The following FOXO3 variants were observed in gnomAD, a reference collection of about 807,000 sequenced individuals.
FOXO3 encodes the protein forkhead box O3, also known as forkhead box protein O3.
A neutral mutation model predicts 41.9 loss-of-function variants in FOXO3; 4 were observed. That is an observed-to-expected ratio of 0.10 (90% CI 0.05 to 0.22). The LOEUF (loss-of-function observed/expected upper bound fraction) is 0.22, where lower values mean the gene tolerates loss of function less well. FOXO3 is among the 10% of genes least tolerant of loss of function. FOXO3 has a pLI of 1.00. For synonymous variants in FOXO3, 318 were observed against 389.3 expected, an observed-to-expected ratio of 0.82 and a Z score of 2.16; for missense variants, 534 against 906.8, an observed-to-expected ratio of 0.59 and a Z score of 5.28.
At chr6:108,586,108 C>G (rs1776573619) in intron 1 of FOXO3, among the ~76,000 whole-genome samples, 1 of 152,182 alleles carries the variant, frequency 6.6e-6, no homozygotes, top group Admixed American at 6.5e-5. Flanking sequence ...TAATTCCAAA[C>G]TTGTTTATGT....
At chr6:108,590,920 C>T (rs1048067738) in intron 1 of FOXO3, among the ~76,000 whole-genome samples, 1 of 152,178 alleles carries the variant, frequency 6.6e-6, no homozygotes, top group Non-Finnish European at 1.5e-5. Context: ...AGCTGCCTCC[C>T]CTGACAGCAG....
intron 1 of FOXO3, among the ~76,000 whole-genome samples, chr6:108,590,862 A>G (rs1776715373): frequency 6.6e-6 from 1 of 152,184 alleles, no homozygotes; most frequent in African/African-American, 2.4e-5. Flanking sequence ...TTTGAGCCTC[A>G]TATGACAGCT....
chr6:108,599,609 C>T (rs1038287034), intron 1 of FOXO3, among the ~76,000 whole-genome samples: 4 of 152,186 alleles, frequency 2.6e-5, no homozygotes, highest in South Asian at 2.1e-4. Flanking sequence ...CTCAGTGTGC[C>T]AACTTCTGAC....
At chr6:108,585,644 A>G (rs550095482) in intron 1 of FOXO3, among the ~76,000 whole-genome samples, 2 of 152,304 alleles carry the variant, frequency 1.3e-5, no homozygotes, top group East Asian at 1.9e-4. Context: ...GGAGTCTGCA[A>G]GGTGTGCCCC....
intron 1 of FOXO3, among the ~76,000 whole-genome samples, chr6:108,591,967 A>G (rs1776743617): frequency 6.6e-6 from 1 of 152,216 alleles, no homozygotes; most frequent in Non-Finnish European, 1.5e-5. Flanking sequence ...AACACGCCAC[A>G]GATACATAGC....
intron 2 of FOXO3, among the ~76,000 whole-genome samples, chr6:108,676,572 GCAT>G (rs1376223687): frequency 6.6e-6 from 1 of 152,128 alleles, no homozygotes; most frequent in African/African-American, 2.4e-5. Flanking sequence ...AACTAGAAGA[GCAT>G]CGACACATAC....
intron 1 of FOXO3, among the ~76,000 whole-genome samples, chr6:108,563,337 A>G (rs1775867694): frequency 6.6e-6 from 1 of 152,374 alleles, no homozygotes. Flanking sequence ...AAATGCTTAC[A>G]TTATGAGTCT....
At chr6:108,627,752 A>T (rs1228985447) in intron 1 of FOXO3, among the ~76,000 whole-genome samples, 1 of 152,144 alleles carries the variant, frequency 6.6e-6, no homozygotes, top group Non-Finnish European at 1.5e-5. Context: ...AAGAAACTTT[A>T]CAAATTTGTC....
rs188456969 is a variant in FOXO3, at chr6:108,580,443, C to T, written c.621+18614C>T. Reference sequence around the variant, plus strand: ...ACTCATGATCCACCCACCTTGGCCTCCCAAAGTGTTGGGATTACAGGCGTG... The same window carrying T: ...ACTCATGATCCACCCACCTTGGCCTTCCAAAGTGTTGGGATTACAGGCGTG... On this transcript the variant is annotated intron_variant, in intron 1 of 2. Coordinates refer to ENST00000406360, the MANE Select transcript of FOXO3 (RefSeq NM_001455.4). Among the ~76,000 whole-genome samples, 878 of 152,292 alleles carry T rather than the reference C, an allele frequency of 5.8e-3. 9 individuals are homozygous for T. The highest frequency in any genetic ancestry group is 0.05 in the South Asian group (241 of 4,826).
intron 1 of FOXO3, among the ~76,000 whole-genome samples, chr6:108,620,176 C>G (rs1347060825): frequency 6.6e-6 from 1 of 152,044 alleles, no homozygotes; most frequent in Admixed American, 6.6e-5. Context: ...ATTTTTGGGT[C>G]AGAAAAACAG....
At chr6:108,589,404 A>G (rs1309414402) in intron 1 of FOXO3, among the ~76,000 whole-genome samples, 3 of 152,202 alleles carry the variant, frequency 2.0e-5, no homozygotes, top group African/African-American at 7.2e-5. Context: ...TTCCTCTCCA[A>G]GTGCTGGGGA....
rs758685230 is a variant in FOXO3 at position 108,561,352 on chromosome 6, G to A, written c.144G>A (p.Ser48=). The A allele has an allele frequency of 1.0e-5, 16 of 1,568,224 alleles. No homozygotes were observed. In the East Asian group the frequency reaches 3.1e-4, roughly 30 times the overall value. ...TCCAAGCGAGCCCTGCCAAGCCCTC[G>A]GGGGAGACGGCCGCCGACTCCATGA... ...PELQASPAKP[S]GETAADSMIP... The change falls in exon 1 of 3, where the codon TCG becomes TCA. Residue 48 remains serine, a synonymous_variant. Coordinates refer to ENST00000406360, the MANE Select transcript of FOXO3 (RefSeq NM_001455.4).
intron 1 of FOXO3, among the ~76,000 whole-genome samples, chr6:108,597,340 G>A (rs150693402): frequency 0.012 from 1,775 of 152,334 alleles, 41 homozygotes; most frequent in Non-Finnish European, 0.011. Flanking sequence ...ACCAGGCTGA[G>A]AATGGGTAAT....
intron 2 of FOXO3, among the ~76,000 whole-genome samples, chr6:108,678,869 C>CTTTTTTTGT (rs1770726727): frequency 1.8e-5 from 1 of 55,018 alleles, no homozygotes; most frequent in Non-Finnish European, 4.3e-5. Context: ...TTCTTAAATT[C>CTTTTTTTGT]TTTTTTTTTT....
chr6:108,574,882 A>G (rs1315557215), intron 1 of FOXO3, among the ~76,000 whole-genome samples: 1 of 152,164 alleles, frequency 6.6e-6, no homozygotes, highest in Non-Finnish European at 1.5e-5. Context: ...AAAGATAGGT[A>G]AGTAGTGTCT....
At chr6:108,589,484 C>T (rs1490221925) in intron 1 of FOXO3, among the ~76,000 whole-genome samples, 1 of 152,246 alleles carries the variant, frequency 6.6e-6, no homozygotes, top group Non-Finnish European at 1.5e-5. Flanking sequence ...CCCTGCCATT[C>T]CTGACTGTCT....
At chr6:108,599,354 A>G (rs906974855) in intron 1 of FOXO3, among the ~76,000 whole-genome samples, 1 of 152,244 alleles carries the variant, frequency 6.6e-6, no homozygotes, top group African/African-American at 2.4e-5. Context: ...TATGTCTAGA[A>G]TGTTGTATAT....
At chr6:108,617,795 T>G (rs1777556909) in intron 1 of FOXO3, among the ~76,000 whole-genome samples, 1 of 150,066 alleles carries the variant, frequency 6.7e-6, no homozygotes, top group Non-Finnish European at 1.5e-5. Context: ...CGTTGGCTGT[T>G]AAAAAAAAAA....
intron 1 of FOXO3, among the ~76,000 whole-genome samples, chr6:108,599,224 T>C (rs1012618775): frequency 4.6e-5 from 7 of 152,140 alleles, no homozygotes; most frequent in Non-Finnish European, 7.3e-5. Context: ...AACATAACCT[T>C]TTTATTGGGA....
Sources: allele counts gnomAD v4.1 joint callset (sites outside exome capture counted in the v4.1 genomes callset), GRCh38; gene constraint gnomAD v4.1.1; transcripts MANE v1.5; gene names NCBI Gene and HGNC (gene_info 2026-07-23, HGNC 2026-07-21).